Variants in CDH13 observed in about 807,000 individuals in gnomAD.
The protein encoded by CDH13 is cadherin-13.
Under a neutral mutation model 63.8 loss-of-function variants are expected in CDH13, and 24 were observed. The observed-to-expected ratio is 0.38, with a 90% CI of 0.27 to 0.53. CDH13 has a LOEUF of 0.53. Ranked by LOEUF, CDH13 falls within the 20% of genes least tolerant of loss-of-function variation. The probability of loss-of-function intolerance (pLI) is 0.85; values close to 1 mark genes in which losing one functional copy is unlikely to be tolerated. For synonymous variants in CDH13, 503 were observed against 355.3 expected (o/e 1.42, Z -4.67); for missense variants, 1,049 against 903.1 (o/e 1.16, Z -2.07).
intron 5 of CDH13, among the ~76,000 whole-genome samples, chr16:83,259,432 A>C (rs1906692980): frequency 6.6e-6 from 1 of 152,058 alleles, no homozygotes; most frequent in Admixed American, 6.6e-5. Flanking sequence ...GTATGGCTGT[A>C]CCCACCTCCC....
intron 5 of CDH13, among the ~76,000 whole-genome samples, chr16:83,330,851 C>T: frequency 6.6e-6 from 1 of 152,210 alleles, no homozygotes; most frequent in East Asian, 1.9e-4. Flanking sequence ...CTGCAGGCAG[C>T]ATCAGCAACA....
intron 7 of CDH13, among the ~76,000 whole-genome samples, chr16:83,554,334 G>A (rs1322327048): frequency 6.6e-6 from 1 of 152,108 alleles, no homozygotes; most frequent in African/African-American, 2.4e-5. Context: ...AAACAGAAAT[G>A]AGATCGAAGA....
chr16:82,728,465 T>A (rs2033220221), intron 1 of CDH13, among the ~76,000 whole-genome samples: 1 of 152,032 alleles, frequency 6.6e-6, no homozygotes, highest in Non-Finnish European at 1.5e-5. Context: ...TGTTTCCCAG[T>A]GCATATAAAT....
chr16:83,547,297 G>C (rs906249258), intron 7 of CDH13, among the ~76,000 whole-genome samples: 1 of 152,218 alleles, frequency 6.6e-6, no homozygotes, highest in Non-Finnish European at 1.5e-5. Context: ...GGCTGTTGTT[G>C]TTTAATCTAT....
At chr16:82,793,652 C>T (rs1410200013) in intron 1 of CDH13, among the ~76,000 whole-genome samples, 1 of 152,054 alleles carries the variant, frequency 6.6e-6, no homozygotes, top group East Asian at 1.9e-4. Context: ...CAGAGCAAAC[C>T]CTGGTATCAC....
At chr16:82,761,137 CCTCATCCTCCCAAGTAA>C (rs1419049605) in intron 1 of CDH13, among the ~76,000 whole-genome samples, 1 of 146,012 alleles carries the variant, frequency 6.8e-6, no homozygotes, top group Non-Finnish European at 1.5e-5. Context: ...GAATCTCCTG[CCTCATCCTCCCAAGTAA>C]CTGGGAGTAC....
intron 10 of CDH13, among the ~76,000 whole-genome samples, chr16:83,679,360 T>C (rs1168623739): frequency 1.3e-5 from 2 of 152,206 alleles, no homozygotes; most frequent in Non-Finnish European, 1.5e-5. Context: ...CTTCTTCTCA[T>C]ATGAGGTACA....
intron 2 of CDH13, among the ~76,000 whole-genome samples, chr16:83,007,939 A>G (rs1452165220): frequency 1.3e-5 from 2 of 152,056 alleles, no homozygotes; most frequent in African/African-American, 2.4e-5. Flanking sequence ...GTCAGGTTAT[A>G]TTTGTCCTTT....
chr16:83,589,282 C>CCG (rs995253375), intron 7 of CDH13, among the ~76,000 whole-genome samples: 6 of 124,604 alleles, frequency 4.8e-5, no homozygotes, highest in Non-Finnish European at 1.0e-4. Flanking sequence ...TCCCTTTCCC[C>CCG]CCCCCGGACC....
At chr16:82,706,254 G>C (rs916450772) in intron 1 of CDH13, among the ~76,000 whole-genome samples, 6 of 152,022 alleles carry the variant, frequency 3.9e-5, no homozygotes, top group African/African-American at 1.5e-4. Flanking sequence ...CACTGAACAG[G>C]GCAGATGTGG....
At chr16:83,655,450 G>A (rs748094781) in intron 8 of CDH13, among the ~76,000 whole-genome samples, 3 of 152,206 alleles carry the variant, frequency 2.0e-5, no homozygotes, top group Non-Finnish European at 4.4e-5. Flanking sequence ...CTGAGCAGAG[G>A]CCCGAATGGC....
At position 83,302,263 on chromosome 16, in the gene CDH13, A is replaced by C. The variant is rs554196859; in HGVS notation, c.637-42599A>C. Among the ~76,000 whole-genome samples, 464 of 152,294 alleles carry C rather than the reference A, an allele frequency of 3.0e-3. 4 individuals are homozygous for C. Among genetic ancestry groups the C allele is most frequent in the African/African-American group, 0.011 (449 of 41,546 alleles). ...TTTACTTCCCGGATATTCATCCTTT[A>C]TTGGTTACTTTTAACCTCCTGTTGC... On this transcript the variant is annotated intron_variant, in intron 5 of 13. Coordinates refer to ENST00000567109, the MANE Select transcript of CDH13 (RefSeq NM_001257.5).
rs1467996722 is a variant in CDH13, at chr16:83,344,868, G to C, written c.643G>C (p.Val215Leu). ...REVIAVYQLF[V>L]ETTDVNGKTL... ...AATCTCTTTGCTCAAATAGCTATTTGTGGAGACCACTGATGTCAATGGCAA... is the reference window on the plus strand; with the variant it reads ...AATCTCTTTGCTCAAATAGCTATTTCTGGAGACCACTGATGTCAATGGCAA... Residue 215 changes from valine (V) to leucine (L), a missense_variant, in exon 6 of 14, where the codon GTG (valine) becomes CTG (leucine). Val to Leu is a conservative substitution (Grantham distance 32). Transcript: ENST00000567109. 4 of 1,613,508 alleles carry C rather than the reference G, an allele frequency of 2.5e-6. No homozygotes were observed. The highest frequency in any genetic ancestry group is 3.4e-6 in the Non-Finnish European group (4 of 1,179,676).
chr16:82,653,755 C>G (rs762787022), intron 1 of CDH13, among the ~76,000 whole-genome samples: 1 of 152,154 alleles, frequency 6.6e-6, no homozygotes, highest in African/African-American at 2.4e-5. Context: ...GCAGCAGTGA[C>G]AGACGCTCTT....
intron 5 of CDH13, among the ~76,000 whole-genome samples, chr16:83,276,899 C>A (rs138062239): frequency 6.9e-4 from 105 of 152,250 alleles, no homozygotes; most frequent in African/African-American, 2.3e-3. Flanking sequence ...CATGTCACAT[C>A]TTACGTAGAT....
intron 1 of CDH13, among the ~76,000 whole-genome samples, chr16:82,730,900 C>T (rs2033367247): frequency 6.6e-6 from 1 of 152,144 alleles, no homozygotes; most frequent in African/African-American, 2.4e-5. Context: ...ATTGCATCAA[C>T]TTATAATTAA....
At chr16:83,103,971 T>A (rs2034640424) in intron 3 of CDH13, among the ~76,000 whole-genome samples, 1 of 152,218 alleles carries the variant, frequency 6.6e-6, no homozygotes, top group Non-Finnish European at 1.5e-5. Context: ...GAATAGCTGG[T>A]ATGCTGACAA....
chr16:83,666,455 A>G (rs1246902065), intron 8 of CDH13, among the ~76,000 whole-genome samples: 1 of 151,862 alleles, frequency 6.6e-6, no homozygotes, highest in Admixed American at 6.6e-5. Context: ...TTTTTTCTGT[A>G]TTCTCTCAGG....
chr16:82,791,164 G>C (rs2036277930), intron 1 of CDH13, among the ~76,000 whole-genome samples: 1 of 151,810 alleles, frequency 6.6e-6, no homozygotes, highest in South Asian at 2.1e-4. Flanking sequence ...ATGAACCCGG[G>C]AGGCGGAGCT....
Sources: allele counts gnomAD v4.1 joint callset (sites outside exome capture counted in the v4.1 genomes callset), GRCh38; gene constraint gnomAD v4.1.1; transcripts MANE v1.5; gene names NCBI Gene and HGNC (gene_info 2026-07-23, HGNC 2026-07-21).